Variants in BRCA1 observed in about 807,000 individuals in gnomAD.
The protein encoded by BRCA1 is breast cancer type 1 susceptibility protein.
A neutral mutation model predicts 173.7 loss-of-function variants in BRCA1; 140 were observed. That is an observed-to-expected ratio of 0.81 (90% confidence interval 0.70 to 0.93). The LOEUF (loss-of-function observed/expected upper bound fraction) is 0.93, where lower values mean the gene tolerates loss of function less well. Ranked by LOEUF, BRCA1 falls within the 40% of genes least tolerant of loss-of-function variation. The pLI, the probability that BRCA1 is intolerant of heterozygous loss-of-function variation, is 0.00. For missense variants in BRCA1, 1,983 were observed against 2,172.5 expected (o/e 0.91, Z 1.73); for synonymous variants, 662 against 756.0 (o/e 0.88, Z 2.04).
At chr17:43,163,600 T>C (rs2056249970) in intron 1 of BRCA1, 1 of 152,242 alleles carries the variant, frequency 6.6e-6, no homozygotes, top group Non-Finnish European at 1.5e-5. Context: ...TCTTTCTTTT[T>C]TTCCTTCTGG....
chr17:43,105,364 C>G (rs2054716979), intron 4 of BRCA1, among the ~76,000 whole-genome samples: 1 of 152,160 alleles, frequency 6.6e-6, no homozygotes, highest in Non-Finnish European at 1.5e-5. Context: ...TATAGCCTCC[C>G]AAGTAGCTAG....
chr17:43,140,662 G>T (rs1463151861), intron 1 of BRCA1, among the ~76,000 whole-genome samples: 1 of 152,120 alleles, frequency 6.6e-6, no homozygotes, highest in Non-Finnish European at 1.5e-5. Context: ...CAGAACCACG[G>T]CTGGCTCCAC....
rs8176196 is a variant in BRCA1 at position 43,078,973 on chromosome 17, A to G, written c.4358-2359T>C. ...CCAGCACTTTGAGAGGCCGAGGTGG[A>G]CAGATCACCTGAGGTCAGGAGTTTG... is the stretch of plus-strand genomic sequence containing the variant. On this transcript the variant is annotated intron_variant, in intron 12 of 22. Transcript: ENST00000357654. 0.45 allele frequency among the ~76,000 whole-genome samples: 68,759 copies of G among 151,998 alleles called. 17,344 individuals carry two copies. The highest frequency in any genetic ancestry group is 0.69 in the African/African-American group (28,555 of 41,458).
chr17:43,118,896 TG>T (rs1446186414), intron 2 of BRCA1, among the ~76,000 whole-genome samples: 1 of 152,024 alleles, frequency 6.6e-6, no homozygotes, highest in African/African-American at 2.4e-5. Flanking sequence ...TCCAAGTAGC[TG>T]GGACTACAGG....
chr17:43,049,963 ATACC>A, intron 20 of BRCA1: 1 of 398,018 alleles, frequency 2.5e-6, no homozygotes, highest in Non-Finnish European at 4.4e-6. Context: ...GGTTTCCACT[ATACC>A]AAAGTAAAAA....
Position 43,091,784 on chromosome 17 carries a change from G to A in BRCA1, c.3747C>T (p.Thr1249=), listed in dbSNP as rs587780801. 44 of 1,613,960 alleles carry A rather than the reference G, an allele frequency of 2.7e-5. No individual in the cohort carries two copies. Among genetic ancestry groups the A allele is most frequent in the Middle Eastern group, 1.6e-4 (1 of 6,084 alleles). Residue 1249 remains threonine, a synonymous_variant, in exon 10 of 23, where the codon ACC becomes ACT. Coordinates refer to ENST00000357654, the MANE Select transcript of BRCA1 (RefSeq NM_007294.4). ...SQSTRHSTVA[T]ECLSKNTEEN... ...CCTCTGTGTTCTTAGACAGACACTC[G>A]GTAGCAACGGTGCTATGCCTAGTAG...
chr17:43,060,234 G>A (rs1260689292), intron 18 of BRCA1, among the ~76,000 whole-genome samples: 1 of 151,790 alleles, frequency 6.6e-6, no homozygotes, highest in Non-Finnish European at 1.5e-5. Flanking sequence ...CCACCACGCT[G>A]GGCAAATTTT....
intron 16 of BRCA1, among the ~76,000 whole-genome samples, chr17:43,066,791 TC>T (rs2052092997): frequency 6.8e-6 from 1 of 147,970 alleles, no homozygotes; most frequent in South Asian, 2.1e-4. Flanking sequence ...GTTGACTATC[TC>T]AGCTCACCAC....
intron 3 of BRCA1, among the ~76,000 whole-genome samples, chr17:43,109,408 T>A (rs2054941266): frequency 6.6e-6 from 1 of 152,206 alleles, no homozygotes; most frequent in African/African-American, 2.4e-5. Context: ...ATCTTCCTTT[T>A]TTCTTTTTTG....
At chr17:43,082,774 G>A (rs1433598811) in intron 11 of BRCA1, 199 bp from the exon 12 acceptor site, 16 of 627,428 alleles carry the variant, frequency 2.6e-5, no homozygotes, top group Non-Finnish European at 4.4e-5. Flanking sequence ...AATGATGTTA[G>A]TGAGGGAAAA....
chr17:43,145,264 T>C, intron 1 of BRCA1: 1 of 667,720 alleles, frequency 1.5e-6, no homozygotes. Context: ...ATGAATACCA[T>C]AGACCATGTC....
intron 15 of BRCA1, among the ~76,000 whole-genome samples, chr17:43,069,963 C>T (rs954830692): frequency 3.9e-5 from 6 of 152,128 alleles, no homozygotes; most frequent in Non-Finnish European, 5.9e-5. Context: ...GACAGAGTTT[C>T]GCTCTTGTTG....
At chr17:43,138,769 C>T in intron 1 of BRCA1, 2 of 779,064 alleles carry the variant, frequency 2.6e-6, no homozygotes, top group Non-Finnish European at 4.8e-6. Flanking sequence ...GTCATCCTTT[C>T]CTCCCCTGTA....
At chr17:43,161,742 G>A (rs1346585500) in intron 1 of BRCA1, 3 of 151,988 alleles carry the variant, frequency 2.0e-5, no homozygotes, top group East Asian at 3.9e-4. Flanking sequence ...AAATTATCAG[G>A]GTGATTCTTT....
chr17:43,146,798 C>T (rs563575598), intron 1 of BRCA1, among the ~76,000 whole-genome samples: 1 of 152,158 alleles, frequency 6.6e-6, no homozygotes, highest in East Asian at 1.9e-4. Flanking sequence ...TCTCAGCAGC[C>T]GACTCTCCTG....
chr17:43,142,984 ATATATATG>A lies in BRCA1; in HGVS notation c.-19-18877_-19-18870del, dbSNP rs777155047. On this transcript the variant is annotated intron_variant, in intron 1 of 7. Coordinates refer to the BRCA1 transcript ENST00000634433. ...TGTGTGTGTATATATATGTGTGTAT[ATATATATG>A]TATATATGTATATATGTGTGCATAT... 2.3e-3 allele frequency among the ~76,000 whole-genome samples: 343 copies of A among 149,518 alleles called. 3 individuals are homozygous for A. The highest frequency in any genetic ancestry group is 0.018 in the Middle Eastern group (5 of 280).
intron 1 of BRCA1, among the ~76,000 whole-genome samples, chr17:43,133,547 G>A (rs2055988881): frequency 6.6e-6 from 1 of 152,042 alleles, no homozygotes; most frequent in Non-Finnish European, 1.5e-5. Flanking sequence ...AATGTTTTGA[G>A]CCCTTCCTGC....
intron 10 of BRCA1, 113 bp from the exon 11 acceptor site, chr17:43,091,145 A>C: frequency 9.1e-7 from 1 of 1,096,234 alleles, no homozygotes; most frequent in Non-Finnish European, 1.3e-6. Flanking sequence ...GTCACACAAA[A>C]TGATTAAATT....
In BRCA1 at chr17:43,091,447, C is replaced by T. The variant is rs775463394; in HGVS notation, c.4084G>A (p.Asp1362Asn). The T allele has an allele frequency of 1.2e-6, 2 of 1,613,748 alleles. No individual in the cohort carries two copies. Among genetic ancestry groups the T allele is most frequent in the South Asian group, 2.2e-5 (2 of 90,952 alleles). The change falls in exon 10 of 23, where the codon GAT becomes AAT. Residue 1362 changes from aspartate to asparagine, a missense_variant. Transcript: ENST00000357654. ...EENNQEEQSM[D>N]SNLGEAASGC... ...CTGGTTCCAATACCTAAGTTTGAATCCATGCTTTGCTCTTCTTGATTATTT... is the reference window on the plus strand; with the variant it reads ...CTGGTTCCAATACCTAAGTTTGAATTCATGCTTTGCTCTTCTTGATTATTT...
Sources: gnomAD v4.1 joint callset for allele counts (sites outside exome capture counted in the v4.1 genomes callset) on GRCh38, gnomAD v4.1.1 for gene constraint, MANE v1.5 for transcripts, NCBI Gene and HGNC (gene_info 2026-07-23, HGNC 2026-07-21) for gene names.